Variants in PDE3A observed in about 807,000 individuals in gnomAD.
PDE3A encodes cGMP-inhibited 3',5'-cyclic phosphodiesterase 3A.
PDE3A carries 43 observed loss-of-function variants against 98.3 expected under a neutral mutation model. That is an observed-to-expected ratio of 0.44 (90% CI 0.34 to 0.56). The LOEUF is 0.56. Ranked by LOEUF, PDE3A falls within the 20% of genes least tolerant of loss-of-function variation. The pLI, the probability that PDE3A is intolerant of heterozygous loss-of-function variation, is 0.01. For synonymous variants in PDE3A, 663 were observed against 567.9 expected (o/e 1.17, Z -2.38); for missense variants, 1,427 against 1,440.7 (o/e 0.99, Z 0.15).
At chr12:20,551,650 C>T (rs1592048499) in intron 1 of PDE3A, 3 of 1,595,170 alleles carry the variant, frequency 1.9e-6, no homozygotes, top group Non-Finnish European at 2.6e-6. Context: ...CATGGCCTTC[C>T]ACATCTACTG....
intron 1 of PDE3A, among the ~76,000 whole-genome samples, chr12:20,375,806 T>C (rs1283950927): frequency 6.6e-6 from 1 of 151,966 alleles, no homozygotes; most frequent in African/African-American, 2.4e-5. Context: ...ATATCTTAGA[T>C]AATGGAGAAA....
At chr12:20,607,919 A>T (rs1943751987) in intron 2 of PDE3A, among the ~76,000 whole-genome samples, 1 of 152,156 alleles carries the variant, frequency 6.6e-6, no homozygotes, top group Non-Finnish European at 1.5e-5. Context: ...GTTAAATAAA[A>T]CATTTCTGAG....
chr12:20,430,194 TA>T (rs1381918083), intron 1 of PDE3A, among the ~76,000 whole-genome samples: 1 of 152,166 alleles, frequency 6.6e-6, no homozygotes, highest in Non-Finnish European at 1.5e-5. Context: ...AAACATGGTT[TA>T]AAAAAATTAA....
chr12:20,412,300 G>A (rs539651801), intron 1 of PDE3A, among the ~76,000 whole-genome samples: 1 of 152,244 alleles, frequency 6.6e-6, no homozygotes, highest in South Asian at 2.1e-4. Context: ...TGTTGTAAAA[G>A]CTTTTATTGC....
chr12:20,543,935 T>G (rs1033815777), intron 1 of PDE3A, among the ~76,000 whole-genome samples: 1 of 151,868 alleles, frequency 6.6e-6, no homozygotes, highest in Non-Finnish European at 1.5e-5. Context: ...GACATGAAAC[T>G]GAGGCACAAA....
At chr12:20,512,029 A>T (rs975999858) in intron 1 of PDE3A, among the ~76,000 whole-genome samples, 6 of 152,078 alleles carry the variant, frequency 3.9e-5, no homozygotes, top group African/African-American at 1.4e-4. Flanking sequence ...GTCATCAAAA[A>T]CAAAGTCAGA....
At chr12:20,458,250 CAT>C (rs1287529705) in intron 1 of PDE3A, among the ~76,000 whole-genome samples, 2 of 152,032 alleles carry the variant, frequency 1.3e-5, no homozygotes, top group African/African-American at 4.8e-5. Context: ...TTGATTGACT[CAT>C]ATATGCCTCT....
intron 1 of PDE3A, among the ~76,000 whole-genome samples, chr12:20,483,333 G>A (rs550403879): frequency 7.9e-5 from 12 of 152,088 alleles, no homozygotes; most frequent in Non-Finnish European, 1.6e-4. Flanking sequence ...AGGTTGCAGT[G>A]AGCCGAGATC....
At chr12:20,594,383 G>A (rs1943414949) in intron 2 of PDE3A, among the ~76,000 whole-genome samples, 1 of 152,114 alleles carries the variant, frequency 6.6e-6, no homozygotes. Flanking sequence ...ACAATAGGGA[G>A]GAAGTCAAGA....
At chr12:20,509,238 C>G (rs1946173466) in intron 1 of PDE3A, among the ~76,000 whole-genome samples, 1 of 152,020 alleles carries the variant, frequency 6.6e-6, no homozygotes, top group African/African-American at 2.4e-5. Flanking sequence ...CATCTGTGTC[C>G]ACAGCTGCTG....
chr12:20,427,647 A>T (rs6487087), intron 1 of PDE3A, among the ~76,000 whole-genome samples: 119,247 of 151,998 alleles, frequency 0.78, 47,285 homozygotes, highest in East Asian at 0.99. Flanking sequence ...ATAGGCTTCA[A>T]AATTTTATAT....
rs1010792040 is a variant in PDE3A at position 20,369,438 on chromosome 12, C to A, written c.154C>A (p.Leu52Met). Residue 52 changes from leucine to methionine, a missense_variant, in exon 1 of 16, where the codon CTG becomes ATG. Physicochemically the swap from Leu to Met is conservative, Grantham distance 15. This residue lies in a region of PDE3A where 1,012 missense variants were observed against 886.5 expected (regional missense o/e 1.14). Coordinates refer to ENST00000359062, the MANE Select transcript of PDE3A (RefSeq NM_000921.5). ...GCRGCWGDLV[L>M]QPLRSSRKLS... The stretch of plus-strand genomic sequence containing the variant: ...CCGTGGCTGCTGGGGAGACCTGGTG[C>A]TGCAGCCGCTCCGGAGCTCTCGGAA... 1.0e-5 allele frequency: 16 copies of A among 1,555,230 alleles called. No individual in the cohort carries two copies. Among genetic ancestry groups the A allele is most frequent in the South Asian group, 3.6e-5 (3 of 84,406 alleles).
At chr12:20,536,394 C>T (rs1325868783) in intron 1 of PDE3A, among the ~76,000 whole-genome samples, 1 of 151,666 alleles carries the variant, frequency 6.6e-6, no homozygotes, top group Admixed American at 6.6e-5. Context: ...ATTCACATAC[C>T]ATGTGATTTA....
At chr12:20,598,436 C>T (rs1453478289) in intron 2 of PDE3A, among the ~76,000 whole-genome samples, 1 of 152,042 alleles carries the variant, frequency 6.6e-6, no homozygotes, top group Admixed American at 6.6e-5. Context: ...TGCCTGGTCT[C>T]CCAAAGTACT....
chr12:20,523,208 A>G (rs1312709318), intron 1 of PDE3A, among the ~76,000 whole-genome samples: 1 of 152,112 alleles, frequency 6.6e-6, no homozygotes, highest in Non-Finnish European at 1.5e-5. Context: ...TGAAGTTGCC[A>G]TGTTTCTGTT....
intron 1 of PDE3A, among the ~76,000 whole-genome samples, chr12:20,443,474 A>G (rs1944903177): frequency 6.6e-6 from 1 of 152,170 alleles, no homozygotes. Context: ...TGTCAGTGTG[A>G]CTGAGGATAC....
rs1945979702 is a variant in PDE3A at position 20,686,908 on chromosome 12, A to T, written c.*6637A>T. The stretch of plus-strand genomic sequence containing the variant: ...CATAAAATTTGCAGGGTATCCCAGG[A>T]CACCCCTCAGTCTTTAATACAAACC... On this transcript the variant is annotated 3_prime_UTR_variant, in exon 16 of 16. Transcript: ENST00000359062. Among the ~76,000 whole-genome samples, 1 of 152,118 alleles carries T rather than the reference A, an allele frequency of 6.6e-6. No individual in the cohort carries two copies. Among genetic ancestry groups the T allele is most frequent in the Admixed American group, 6.6e-5 (1 of 15,254 alleles).
rs575634771 is a variant in PDE3A at position 20,673,799 on chromosome 12, G to T, written c.3185-6231G>T. The stretch of plus-strand genomic sequence containing the variant: ...ACCAGCATGGCACATGTATACATAT[G>T]TAACTAACCTGCACAATGTGCACAT... On this transcript the variant is annotated intron_variant, in intron 15 of 15. Coordinates refer to ENST00000359062, the MANE Select transcript of PDE3A (RefSeq NM_000921.5). 2.7e-3 allele frequency among the ~76,000 whole-genome samples: 400 copies of T among 150,652 alleles called. 1 individual carries two copies. The highest frequency in any genetic ancestry group is 3.6e-3 in the Non-Finnish European group (245 of 67,748).
chr12:20,664,846 C>T (rs1945268819), intron 15 of PDE3A, among the ~76,000 whole-genome samples: 2 of 152,026 alleles, frequency 1.3e-5, no homozygotes, highest in Non-Finnish European at 2.9e-5. Context: ...AATTGACTAA[C>T]ACACCCTCAA....
Sources: gnomAD v4.1 joint callset for allele counts (sites outside exome capture counted in the v4.1 genomes callset) on GRCh38, gnomAD v4.1.1 for gene constraint, gnomAD v4.1.1 regional missense constraint, MANE v1.5 for transcripts, NCBI Gene and HGNC (gene_info 2026-07-23, HGNC 2026-07-21) for gene names.